Variants in RNF150 observed in about 807,000 individuals in gnomAD.
RNF150 encodes ring finger protein 150.
Under a neutral mutation model 39.3 loss-of-function variants are expected in RNF150, and 24 were observed. The observed-to-expected ratio is 0.61, with a 90% CI of 0.44 to 0.86. The LOEUF (loss-of-function observed/expected upper bound fraction) is 0.86. Ranked by LOEUF, RNF150 falls within the 40% of genes least tolerant of loss-of-function variation. The pLI, the probability that RNF150 is intolerant of heterozygous loss-of-function variation, is 0.00. For synonymous variants in RNF150, 255 were observed against 227.3 expected (o/e 1.12, Z -1.10); for missense variants, 502 against 587.8 (o/e 0.85, Z 1.51).
At chr4:141,157,718 A>G (rs1360470763) in intron 1 of RNF150, among the ~76,000 whole-genome samples, 2 of 152,192 alleles carry the variant, frequency 1.3e-5, no homozygotes, top group Non-Finnish European at 2.9e-5. Flanking sequence ...ACACGATAAC[A>G]TATTACCACC....
intron 1 of RNF150, among the ~76,000 whole-genome samples, chr4:141,166,914 A>T (rs1318862094): frequency 6.6e-6 from 1 of 152,174 alleles, no homozygotes; most frequent in Non-Finnish European, 1.5e-5. Context: ...CACCACTCCT[A>T]TTAAACATAG....
At chr4:141,047,591 T>C (rs1736627480) in intron 1 of RNF150, among the ~76,000 whole-genome samples, 1 of 152,108 alleles carries the variant, frequency 6.6e-6, no homozygotes, top group South Asian at 2.1e-4. Context: ...TTTTAAATAT[T>C]CCACAAACAC....
chr4:141,156,736 A>AT, intron 1 of RNF150, among the ~76,000 whole-genome samples: 1 of 147,378 alleles, frequency 6.8e-6, no homozygotes, highest in Admixed American at 6.7e-5. Flanking sequence ...TCTACTACTA[A>AT]AAAAAAAAAA....
At chr4:141,159,480 G>GGA (rs1727474623) in intron 1 of RNF150, among the ~76,000 whole-genome samples, 1 of 151,942 alleles carries the variant, frequency 6.6e-6, no homozygotes, top group Non-Finnish European at 1.5e-5. Flanking sequence ...GACAAGATTT[G>GGA]GGCTGTGGGC....
At chr4:140,896,689 A>AAG (rs1307001358) in intron 6 of RNF150, among the ~76,000 whole-genome samples, 7 of 86,506 alleles carry the variant, frequency 8.1e-5, no homozygotes, top group African/African-American at 2.8e-4. Flanking sequence ...GAGTATAATA[A>AAG]AAAAAAAAAA....
At chr4:141,210,336 G>A (rs991774281) in intron 1 of RNF150, among the ~76,000 whole-genome samples, 33 of 152,278 alleles carry the variant, frequency 2.2e-4, no homozygotes, top group African/African-American at 7.7e-4. Context: ...CGGGGTTTCA[G>A]GTTAGAACCT....
intron 4 of RNF150, among the ~76,000 whole-genome samples, chr4:140,930,852 A>G (rs993946262): frequency 6.6e-6 from 1 of 152,142 alleles, no homozygotes; most frequent in Non-Finnish European, 1.5e-5. Context: ...GATGAATAAG[A>G]CAAGGCCCTG....
At chr4:140,887,847 A>G (rs1305606861) in intron 6 of RNF150, among the ~76,000 whole-genome samples, 2 of 152,236 alleles carry the variant, frequency 1.3e-5, no homozygotes, top group African/African-American at 4.8e-5. Context: ...GAAGCATTTT[A>G]AATAATGTGC....
At chr4:140,935,815 C>T (rs751331433) in intron 4 of RNF150, among the ~76,000 whole-genome samples, 5 of 152,076 alleles carry the variant, frequency 3.3e-5, no homozygotes, top group Non-Finnish European at 5.9e-5. Context: ...TAATGTACCA[C>T]AAAATGCATA....
At chr4:141,205,830 T>C (rs2111223702) in intron 1 of RNF150, among the ~76,000 whole-genome samples, 1 of 152,238 alleles carries the variant, frequency 6.6e-6, no homozygotes, top group Non-Finnish European at 1.5e-5. Context: ...TTTTGGTCAG[T>C]GCATGTGTGT....
rs1374614144 is a variant in RNF150, at chr4:141,000,103, A to G, written c.485-32230T>C. Among the ~76,000 whole-genome samples, 27 of 145,902 alleles carry G rather than the reference A, an allele frequency of 1.9e-4. 2 individuals are homozygous for G. Among genetic ancestry groups the G allele is most frequent in the Non-Finnish European group, 3.7e-4 (24 of 65,538 alleles). On this transcript the variant is annotated intron_variant, in intron 1 of 6. Transcript: ENST00000515673. Reference sequence around the variant, plus strand: ...AAGAAGAAGGAGAAGAAGAAGAAGAAGAAGAGGAGGAAGAAGAAGAAGAAG... The same window carrying G: ...AAGAAGAAGGAGAAGAAGAAGAAGAGGAAGAGGAGGAAGAAGAAGAAGAAG...
chr4:141,184,574 G>T (rs2111192770), intron 1 of RNF150, among the ~76,000 whole-genome samples: 1 of 152,136 alleles, frequency 6.6e-6, no homozygotes, highest in Non-Finnish European at 1.5e-5. Flanking sequence ...TGAAGTCTTT[G>T]CCCATGCCTA....
intron 6 of RNF150, among the ~76,000 whole-genome samples, chr4:140,872,821 A>G (rs1343278896): frequency 6.6e-6 from 1 of 152,216 alleles, no homozygotes; most frequent in Admixed American, 6.5e-5. Flanking sequence ...AGATGCTCAC[A>G]AGACATCCAA....
intron 1 of RNF150, among the ~76,000 whole-genome samples, chr4:141,015,053 C>T (rs936389148): frequency 6.6e-6 from 1 of 152,042 alleles, no homozygotes; most frequent in Non-Finnish European, 1.5e-5. Context: ...ATCTGGTATT[C>T]TCAACACCAT....
At chr4:140,893,935 A>C (rs10034843) in intron 6 of RNF150, among the ~76,000 whole-genome samples, 14,585 of 152,246 alleles carry the variant, frequency 0.096, 1,208 homozygotes, top group African/African-American at 0.22. Context: ...TATGTACAAA[A>C]GGCCAAATTC....
chr4:140,872,097 T>C (rs1221614166), intron 6 of RNF150, among the ~76,000 whole-genome samples: 1 of 152,246 alleles, frequency 6.6e-6, no homozygotes, highest in Non-Finnish European at 1.5e-5. Context: ...TGTTCCATAA[T>C]TTTTAACAGT....
At chr4:140,953,048 T>G (rs74865130) in intron 2 of RNF150, among the ~76,000 whole-genome samples, 1,914 of 152,300 alleles carry the variant, frequency 0.013, 52 homozygotes, top group African/African-American at 0.044. Context: ...GGTAAGGATC[T>G]GTGTATCTAA....
chr4:140,987,238 T>A (rs1348715085), intron 1 of RNF150, among the ~76,000 whole-genome samples: 5 of 151,996 alleles, frequency 3.3e-5, no homozygotes, highest in Non-Finnish European at 7.4e-5. Flanking sequence ...AATACCAACA[T>A]CATTTTTCAC....
chr4:141,194,202 A>G (rs1349657082), intron 1 of RNF150, among the ~76,000 whole-genome samples: 1 of 152,202 alleles, frequency 6.6e-6, no homozygotes, highest in African/African-American at 2.4e-5. Flanking sequence ...GGGATTTCTG[A>G]TGTATTGAAA....
Sources: allele counts gnomAD v4.1 joint callset (sites outside exome capture counted in the v4.1 genomes callset), GRCh38; gene constraint gnomAD v4.1.1; transcripts MANE v1.5; gene names NCBI Gene and HGNC (gene_info 2026-07-23, HGNC 2026-07-21).